The following PRDX1 variants were observed in gnomAD, a reference collection of about 807,000 sequenced individuals.
The protein encoded by PRDX1 is peroxiredoxin-1.
PRDX1 carries 19 observed loss-of-function variants against 20.7 expected under a neutral mutation model. The observed-to-expected ratio is 0.92, with a 90% CI of 0.64 to 1.35. The LOEUF (loss-of-function observed/expected upper bound fraction) is 1.35. Among genes scored for constraint, PRDX1 ranks in the 40% most tolerant of loss-of-function variants. The pLI is 0.00. For missense variants in PRDX1, 226 were observed against 240.0 expected (o/e 0.94, Z 0.38); for synonymous variants, 89 against 83.9 (o/e 1.06, Z -0.33).
chr1:45,517,548 A>C (rs976563005), intron 2 of PRDX1, among the ~76,000 whole-genome samples: 6 of 152,102 alleles, frequency 3.9e-5, no homozygotes, highest in Admixed American at 1.3e-4. Flanking sequence ...TTGGGAGGCC[A>C]AGGCAGGCGG....
At chr1:45,519,090 A>T (rs1444717639) in intron 1 of PRDX1, 36 bp from the exon 2 acceptor site, 1 of 1,428,044 alleles carries the variant, frequency 7.0e-7, no homozygotes. Context: ...AACAAGCCTT[A>T]ATTTTCTACA....
intron 1 of PRDX1, 39 bp from the exon 2 acceptor site, chr1:45,519,093 T>C: frequency 2.8e-6 from 4 of 1,427,480 alleles, no homozygotes; most frequent in Non-Finnish European, 3.9e-6. Context: ...AAGCCTTAAT[T>C]TTCTACATAA....
chr1:45,521,308 G>C (rs1329598814), intron 1 of PRDX1, among the ~76,000 whole-genome samples: 2 of 152,210 alleles, frequency 1.3e-5, no homozygotes, highest in South Asian at 2.1e-4. Flanking sequence ...CCAGCAGAGA[G>C]AGTGCTTCAG....
Position 45,511,123 on chromosome 1 carries a change from G to T in PRDX1, c.*206C>A. 1 of 500,490 alleles carries T rather than the reference G, an allele frequency of 2.0e-6. No individual in the cohort carries two copies. The highest frequency in any genetic ancestry group is 3.5e-6 in the Non-Finnish European group (1 of 282,724). The allele number at this position is 500,490 out of a possible 1,614,324, so 31.0% of individuals were successfully genotyped here. On this transcript the variant is annotated 3_prime_UTR_variant, in exon 6 of 6. Transcript: ENST00000319248. The stretch of plus-strand genomic sequence containing the variant: ...TACTAATACATCATACAAACCAGTA[G>T]CCTGCCCACAACGCCAACTCAGGCC...
chr1:45,517,655 G>T (rs565009271), intron 2 of PRDX1, among the ~76,000 whole-genome samples: 3 of 151,974 alleles, frequency 2.0e-5, no homozygotes, highest in Admixed American at 6.6e-5. Flanking sequence ...GGTTGCGGGC[G>T]CCTGTAGTCC....
rs538290160 is a variant in PRDX1 at position 45,511,157 on chromosome 1, C to T, written c.*172G>A. ...CAACGCCAACTCAGGCCATTCCTAC[C>T]AAAGGAAGAAAGGCTGGTCTCTCCA... On this transcript the variant is annotated 3_prime_UTR_variant, in exon 6 of 6. Transcript: ENST00000319248. 5.1e-6 allele frequency: 3 copies of T among 584,788 alleles called. No homozygotes were observed. In the Admixed American group the frequency reaches 8.7e-5, roughly 17 times the overall value. 36.2% of individuals were successfully genotyped at this position (584,788 alleles called of 1,614,324 possible). A position where few individuals can be genotyped will look rare whatever the true frequency, so the allele number is the denominator to read the frequency against.
At chr1:45,515,997 C>G (rs544397110) in intron 2 of PRDX1, among the ~76,000 whole-genome samples, 190 bp from the exon 3 acceptor site, 1 of 152,336 alleles carries the variant, frequency 6.6e-6, no homozygotes, top group African/African-American at 2.4e-5. Flanking sequence ...AAAAAAACTT[C>G]CAATCCCATA....
chr1:45,513,851 G>A (rs1643804909), intron 5 of PRDX1, among the ~76,000 whole-genome samples: 4 of 152,164 alleles, frequency 2.6e-5, no homozygotes. Context: ...ATTGTCCAAG[G>A]TTTCTCCCCA....
Position 45,514,206 on chromosome 1 carries a change from T to C in PRDX1, c.514+301A>G, listed in dbSNP as rs550568988. 2.6e-5 allele frequency among the ~76,000 whole-genome samples: 4 copies of C among 152,294 alleles called. No individual in the cohort carries two copies. In the East Asian group the frequency reaches 7.7e-4, roughly 29 times the overall value. On this transcript the variant is annotated intron_variant, in intron 5 of 5. Coordinates refer to ENST00000319248, the MANE Select transcript of PRDX1 (RefSeq NM_181697.3). ...ACCTTGTTCATGATGCAGAGACCTT[T>C]GTTCACGTGTTTATCTGCTGACCTT...
chr1:45,514,576 C>A lies in PRDX1; in HGVS notation c.445G>T (p.Val149Phe). The change falls in exon 5 of 6, where the codon GTT becomes TTT. Residue 149 changes from valine (V) to phenylalanine (F), a missense_variant. Physicochemically the swap from Val to Phe is conservative, Grantham distance 50. Transcript: ENST00000319248. ...LRQITVNDLP[V>F]GRSVDETLRL... The stretch of plus-strand genomic sequence containing the variant: ...AAAGTCTCATCCACAGAGCGGCCAA[C>A]AGGGAGGTCATTTACAGTGATCTGC... 1.9e-6 allele frequency: 3 copies of A among 1,613,834 alleles called. No individual in the cohort carries two copies. The highest frequency in any genetic ancestry group is 2.5e-6 in the Non-Finnish European group (3 of 1,179,738).
Position 45,520,062 on chromosome 1 carries a change from G to A in PRDX1, c.-11-1008C>T, listed in dbSNP as rs1018144382. 9.2e-5 allele frequency among the ~76,000 whole-genome samples: 14 copies of A among 152,038 alleles called. 1 individual carries two copies. The South Asian group carries it at 1.7e-3, about 18-fold the overall frequency. ...TCTACTAGAAACACAAAAATTAGTCGGGCGTGGTGGTGCATGCCTGTAATC... is the reference window on the plus strand; with the variant it reads ...TCTACTAGAAACACAAAAATTAGTCAGGCGTGGTGGTGCATGCCTGTAATC... On this transcript the variant is annotated intron_variant, in intron 1 of 5. Transcript: ENST00000319248.
upstream of PRDX1, chr1:45,521,936 G>A (rs1200107159): frequency 6.6e-6 from 1 of 152,328 alleles, no homozygotes; most frequent in Non-Finnish European, 1.5e-5. Flanking sequence ...TCTCGCGAGA[G>A]TCGGAACGGA....
At position 45,511,408 on chromosome 1, in the gene PRDX1, G is replaced by A; in HGVS notation, c.521C>T (p.Pro174Leu). The A allele has an allele frequency of 6.2e-7, 1 of 1,612,630 alleles. No homozygotes were observed. Among genetic ancestry groups the A allele is most frequent in the Non-Finnish European group, 8.5e-7 (1 of 1,179,318 alleles). ...ATCACTGCCAGGTTTCCAGCCAGCT[G>A]GGCACACTGCAAGAGAAAGGCACCA... ...QFTDKHGEVC[P>L]AGWKPGSDTI... The change falls in exon 6 of 6, where the codon CCA becomes CTA. Residue 174 changes from proline to leucine, a missense_variant. Coordinates refer to ENST00000319248, the MANE Select transcript of PRDX1 (RefSeq NM_181697.3).
At chr1:45,512,507 C>A (rs1418003289) in intron 5 of PRDX1, 1 of 150,838 alleles carries the variant, frequency 6.6e-6, no homozygotes, top group Non-Finnish European at 1.5e-5. Flanking sequence ...GCACTCCAGT[C>A]TGGGCGACAA....
chr1:45,521,155 C>T (rs1643908811), intron 1 of PRDX1, among the ~76,000 whole-genome samples: 1 of 152,150 alleles, frequency 6.6e-6, no homozygotes, highest in Non-Finnish European at 1.5e-5. Flanking sequence ...CCCCCAAGTA[C>T]AAAACCCAAC....
In PRDX1 at chr1:45,514,638, C is replaced by T. The variant is rs753797568; in HGVS notation, c.384-1G>A. 3 of 1,613,688 alleles carry T rather than the reference C, an allele frequency of 1.9e-6. No individual in the cohort carries two copies. The highest frequency in any genetic ancestry group is 2.5e-6 in the Non-Finnish European group (3 of 1,179,656). ...CTTATCATCAATGATAAAAAGGCCCCTGGGAAAAGAGATGAAAGGAAAAGC... is the reference window on the plus strand; with the variant it reads ...CTTATCATCAATGATAAAAAGGCCCTTGGGAAAAGAGATGAAAGGAAAAGC... On this transcript the variant is annotated splice_acceptor_variant, in intron 4 of 5. Coordinates refer to ENST00000319248, the MANE Select transcript of PRDX1 (RefSeq NM_181697.3). LOFTEE classifies it high-confidence loss of function.
intron 2 of PRDX1, among the ~76,000 whole-genome samples, chr1:45,516,017 C>T (rs1643856762): frequency 6.6e-6 from 1 of 152,226 alleles, no homozygotes; most frequent in Non-Finnish European, 1.5e-5. Context: ...ACTTTATTCT[C>T]CTGCCTCCAT....
chr1:45,511,837 T>C (rs1438271407), intron 5 of PRDX1: 2 of 153,610 alleles, frequency 1.3e-5, no homozygotes. Context: ...TTCTTCTAAC[T>C]CTACCAAACT....
At chr1:45,512,188 C>T (rs61788336) in intron 5 of PRDX1, 34,132 of 145,546 alleles carry the variant, frequency 0.23, 4,044 homozygotes, top group East Asian at 0.33. Flanking sequence ...CGGGTTCAAG[C>T]GATTCTCCTG....
Sources: allele counts gnomAD v4.1 joint callset (sites outside exome capture counted in the v4.1 genomes callset), GRCh38; gene constraint gnomAD v4.1.1; transcripts MANE v1.5; gene names NCBI Gene and HGNC (gene_info 2026-07-23, HGNC 2026-07-21).